EPB41L5: variants seen among roughly 807,000 people sequenced by gnomAD.
EPB41L5 encodes erythrocyte membrane protein band 4.1 like 5.
In EPB41L5, 55 loss-of-function variants were observed where a neutral mutation model predicts 106.6. The observed-to-expected ratio is 0.52, with a 90% CI of 0.42 to 0.65. The LOEUF (loss-of-function observed/expected upper bound fraction) is 0.65, where lower values mean the gene tolerates loss of function less well. EPB41L5 is among the 30% of genes least tolerant of loss of function. The pLI is 0.00. For synonymous variants in EPB41L5, 297 were observed against 306.7 expected, an observed-to-expected ratio of 0.97 and a Z score of 0.33; for missense variants, 871 against 882.1, an observed-to-expected ratio of 0.99 and a Z score of 0.16.
At chr2:120,162,723 A>G (rs1005287073) in intron 21 of EPB41L5, among the ~76,000 whole-genome samples, 19 of 152,204 alleles carry the variant, frequency 1.2e-4, no homozygotes, top group African/African-American at 4.6e-4. Context: ...AGATTCAAAA[A>G]TGAATGAATG....
intron 19 of EPB41L5, among the ~76,000 whole-genome samples, chr2:120,143,554 G>A (rs533942101): frequency 6.6e-6 from 1 of 152,070 alleles, no homozygotes; most frequent in African/African-American, 2.4e-5. Flanking sequence ...TGAGAGATGC[G>A]GCAGCCTTGT....
chr2:120,102,927 T>C (rs538227431), intron 16 of EPB41L5, among the ~76,000 whole-genome samples: 1 of 152,220 alleles, frequency 6.6e-6, no homozygotes, highest in Non-Finnish European at 1.5e-5. Flanking sequence ...AACATAAACC[T>C]AATTTAGTTT....
At chr2:120,095,593 G>A (rs756035070) in intron 14 of EPB41L5, among the ~76,000 whole-genome samples, 1 of 151,246 alleles carries the variant, frequency 6.6e-6, no homozygotes, top group East Asian at 1.9e-4. Flanking sequence ...TTTCACTGGC[G>A]AGAGTATCTA....
At position 120,019,368 on chromosome 2, in the gene EPB41L5, G is replaced by T. The variant is rs1184461036; in HGVS notation, c.180+104G>T. 4 of 1,078,494 alleles carry T rather than the reference G, an allele frequency of 3.7e-6. No individual in the cohort carries two copies. In the African/African-American group the frequency reaches 4.9e-5, roughly 13 times the overall value. The allele number at this position is 1,078,494 out of a possible 1,614,324, so 66.8% of individuals were successfully genotyped here. A position where few individuals can be genotyped will look rare whatever the true frequency, so the allele number is the denominator to read the frequency against. On this transcript the variant is annotated intron_variant, in intron 2 of 24. Transcript: ENST00000263713. ...AACTTCTGGATGGAAATAAGTAAAG[G>T]TATTATGGGTTAGTATAGATCAGGC...
chr2:120,032,662 A>G (rs1196764181), intron 2 of EPB41L5, among the ~76,000 whole-genome samples: 4 of 152,104 alleles, frequency 2.6e-5, no homozygotes, highest in African/African-American at 7.2e-5. Flanking sequence ...TCAGATCTTT[A>G]TTTTGTTTTT....
At chr2:120,057,087 GC>G (rs1035624842) in intron 3 of EPB41L5, among the ~76,000 whole-genome samples, 22 of 152,036 alleles carry the variant, frequency 1.4e-4, no homozygotes, top group African/African-American at 5.3e-4. Context: ...AGAGATGGGG[GC>G]TCACCATGTT....
At chr2:120,123,466 A>G (rs1213041948) in intron 16 of EPB41L5, among the ~76,000 whole-genome samples, 1 of 152,062 alleles carries the variant, frequency 6.6e-6, no homozygotes, top group African/African-American at 2.4e-5. Flanking sequence ...TGATCCATAT[A>G]AAGTCAACTT....
chr2:120,070,272 C>T (rs1022528968), intron 3 of EPB41L5, among the ~76,000 whole-genome samples: 7 of 152,106 alleles, frequency 4.6e-5, no homozygotes, highest in Non-Finnish European at 1.0e-4. Context: ...CCTCCCAAGA[C>T]TAAACCAGGA....
rs572805616 is a variant in EPB41L5 at position 120,093,380 on chromosome 2, G to A, written c.1178+104G>A. On this transcript the variant is annotated intron_variant, in intron 14 of 24. Coordinates refer to ENST00000263713, the MANE Select transcript of EPB41L5 (RefSeq NM_020909.4). ...GACCTATCAAAATGTCAAGTTGTCC[G>A]TAAAGCACCAGGGATATGTCAGGGA... 1.6e-4 allele frequency: 149 copies of A among 922,906 alleles called. No homozygotes were observed. In the South Asian group the frequency reaches 1.8e-3, roughly 11 times the overall value. The allele number at this position is 922,906 out of a possible 1,614,324, so 57.2% of individuals were successfully genotyped here. A position where few individuals can be genotyped will look rare whatever the true frequency, so the allele number is the denominator to read the frequency against.
At chr2:120,105,415 C>A (rs1684391664) in intron 16 of EPB41L5, 1 of 984,390 alleles carries the variant, frequency 1.0e-6, no homozygotes, top group Admixed American at 6.2e-5. Context: ...GCATCCTGCT[C>A]ACATAGAGGT....
At chr2:120,103,939 C>A in intron 16 of EPB41L5, 1 of 1,123,218 alleles carries the variant, frequency 8.9e-7, no homozygotes, top group Non-Finnish European at 1.2e-6. Context: ...ATGCTGGTAA[C>A]TACTCATAGC....
rs901082818 is a variant in EPB41L5, at chr2:120,176,228, T to G, written c.*1321T>G. On this transcript the variant is annotated 3_prime_UTR_variant, in exon 25 of 25. Coordinates refer to ENST00000263713, the MANE Select transcript of EPB41L5 (RefSeq NM_020909.4). ...GGGAAGAAGGATGATGTGGAAACCATATTGGTAAAGTTGTTAATCCCTCGT... is the reference window on the plus strand; with the variant it reads ...GGGAAGAAGGATGATGTGGAAACCAGATTGGTAAAGTTGTTAATCCCTCGT... 1.3e-5 allele frequency: 2 copies of G among 152,654 alleles called. No homozygotes were observed. Among genetic ancestry groups the G allele is most frequent in the African/African-American group, 4.8e-5 (2 of 41,474 alleles). The allele number at this position is 152,654 out of a possible 1,614,324, so 9.5% of individuals were successfully genotyped here.
At chr2:120,106,176 T>C in intron 16 of EPB41L5, 1 of 985,350 alleles carries the variant, frequency 1.0e-6, no homozygotes, top group Non-Finnish European at 1.2e-6. Flanking sequence ...TTGAAAACCT[T>C]GTTGTAAAGA....
intron 16 of EPB41L5, among the ~76,000 whole-genome samples, chr2:120,123,428 CACTTG>C (rs1361453195): frequency 5.9e-5 from 9 of 152,244 alleles, no homozygotes; most frequent in African/African-American, 2.2e-4. Context: ...CTGAATATCC[CACTTG>C]ACTTGTCTCT....
At chr2:120,168,351 G>A (rs1574796673) in intron 24 of EPB41L5, among the ~76,000 whole-genome samples, 2 of 152,130 alleles carry the variant, frequency 1.3e-5, no homozygotes, top group South Asian at 2.1e-4. Context: ...GATGGTGCCC[G>A]TCAACACAGG....
In EPB41L5 at chr2:120,093,123, A is replaced by G. The variant is rs146856063; in HGVS notation, c.1151-126A>G. The G allele has an allele frequency of 4.9e-5, 41 of 837,298 alleles. No homozygotes were observed. In the Admixed American group the frequency reaches 7.2e-4, roughly 15 times the overall value. The allele number at this position is 837,298 out of a possible 1,614,324, so 51.9% of individuals were successfully genotyped here. A position where few individuals can be genotyped will look rare whatever the true frequency, so the allele number is the denominator to read the frequency against. On this transcript the variant is annotated intron_variant, in intron 13 of 24. Coordinates refer to ENST00000263713, the MANE Select transcript of EPB41L5 (RefSeq NM_020909.4). ...CAAAATCATGAAAGACCCTTTCTCA[A>G]AGAAATAAATTTATGGTTGTGAAAC...
chr2:120,016,246 A>G (rs778904616), intron 1 of EPB41L5, among the ~76,000 whole-genome samples: 1 of 152,170 alleles, frequency 6.6e-6, no homozygotes, highest in Non-Finnish European at 1.5e-5. Context: ...CCTGGCCAAC[A>G]TGGTGAAACC....
At position 120,178,576 on chromosome 2, in the gene EPB41L5, T is replaced by C. The variant is rs907907236; in HGVS notation, c.*3669T>C. ...ACATTTCTAGATTATTTGTCCTTTT[T>C]ATCCTCTCAAAAATTTAAACACTGT... is the stretch of plus-strand genomic sequence containing the variant. On this transcript the variant is annotated 3_prime_UTR_variant, in exon 25 of 25. Coordinates refer to ENST00000263713, the MANE Select transcript of EPB41L5 (RefSeq NM_020909.4). The C allele has an allele frequency of 9.9e-5, 15 of 152,260 alleles. No homozygotes were observed. The highest frequency in any genetic ancestry group is 3.4e-4 in the African/African-American group (14 of 41,468). 9.4% of individuals were successfully genotyped at this position (152,260 alleles called of 1,614,324 possible).
chr2:120,168,079 C>G (rs1687497614), intron 24 of EPB41L5, 72 bp downstream of exon 24: 9 of 1,490,166 alleles, frequency 6.0e-6, no homozygotes, highest in South Asian at 1.2e-5. Context: ...AACTTATTAT[C>G]TCTAAAGCAG....
Sources: allele counts gnomAD v4.1 joint callset (sites outside exome capture counted in the v4.1 genomes callset), GRCh38; gene constraint gnomAD v4.1.1; transcripts MANE v1.5; gene names NCBI Gene and HGNC (gene_info 2026-07-23, HGNC 2026-07-21).